ARL15: variants seen among roughly 807,000 people sequenced by gnomAD.
ARL15 encodes the protein ADP-ribosylation factor-like protein 15.
In ARL15, 19 loss-of-function variants were observed where a neutral mutation model predicts 25.2. That is an observed-to-expected ratio of 0.75 (90% CI 0.53 to 1.10). The LOEUF (loss-of-function observed/expected upper bound fraction) is 1.10. Among genes scored for constraint, ARL15 ranks in the 50% least tolerant of loss-of-function variants. The pLI, the probability that ARL15 is intolerant of heterozygous loss-of-function variation, is 0.00. For synonymous variants in ARL15, 94 were observed against 86.8 expected (o/e 1.08, Z -0.46); for missense variants, 220 against 246.0 (o/e 0.89, Z 0.71).
intron 4 of ARL15, among the ~76,000 whole-genome samples, chr5:53,910,775 C>G (rs1229333427): frequency 6.6e-6 from 1 of 150,548 alleles, no homozygotes; most frequent in Non-Finnish European, 1.5e-5. Flanking sequence ...TGTCACAGAT[C>G]ATGATTCCCC....
chr5:54,297,238 T>C (rs1758490608), intron 1 of ARL15, among the ~76,000 whole-genome samples: 1 of 152,228 alleles, frequency 6.6e-6, no homozygotes, highest in African/African-American at 2.4e-5. Flanking sequence ...TCAGTTGCTG[T>C]CTGGATCTAT....
At chr5:54,200,690 A>G (rs1755698013) in intron 1 of ARL15, among the ~76,000 whole-genome samples, 1 of 152,174 alleles carries the variant, frequency 6.6e-6, no homozygotes, top group Non-Finnish European at 1.5e-5. Flanking sequence ...CCTCACATTC[A>G]TGGTATGACT....
chr5:53,967,344 CATGT>C (rs1476430730), intron 4 of ARL15, among the ~76,000 whole-genome samples: 5 of 151,970 alleles, frequency 3.3e-5, no homozygotes, highest in Non-Finnish European at 7.4e-5. Context: ...ACAATAAAAG[CATGT>C]AAAAGTATTG....
At chr5:54,012,355 A>G (rs1201062187) in intron 4 of ARL15, among the ~76,000 whole-genome samples, 1 of 152,096 alleles carries the variant, frequency 6.6e-6, no homozygotes, top group Non-Finnish European at 1.5e-5. Context: ...TATGCATCCC[A>G]TGAAGTCTCT....
intron 4 of ARL15, among the ~76,000 whole-genome samples, chr5:54,080,265 A>G (rs1252252756): frequency 6.6e-6 from 1 of 152,208 alleles, no homozygotes; most frequent in African/African-American, 2.4e-5. Flanking sequence ...CACTAGAGAG[A>G]GGTGAAGAGT....
At chr5:54,095,655 C>T (rs182414102) in intron 4 of ARL15, among the ~76,000 whole-genome samples, 32 of 152,102 alleles carry the variant, frequency 2.1e-4, no homozygotes, top group Admixed American at 6.5e-4. Flanking sequence ...AGGCTTTCTC[C>T]CCCCAAGTAC....
chr5:54,268,459 T>C (rs893500577), intron 1 of ARL15, among the ~76,000 whole-genome samples: 1 of 152,252 alleles, frequency 6.6e-6, no homozygotes, highest in African/African-American at 2.4e-5. Context: ...AGCCTTCTTC[T>C]CTCAACTTGT....
At chr5:53,929,086 A>G (rs965515072) in intron 4 of ARL15, among the ~76,000 whole-genome samples, 1 of 152,026 alleles carries the variant, frequency 6.6e-6, no homozygotes, top group African/African-American at 2.4e-5. Context: ...TTATGAAGTT[A>G]GAGGGAAACG....
At chr5:54,143,048 G>A (rs912688762) in intron 3 of ARL15, among the ~76,000 whole-genome samples, 3 of 152,084 alleles carry the variant, frequency 2.0e-5, no homozygotes, top group Non-Finnish European at 4.4e-5. Context: ...GGTCACATGT[G>A]TAAACATTAT....
chr5:53,924,371 T>C (rs1365249905), intron 4 of ARL15, among the ~76,000 whole-genome samples: 1 of 152,236 alleles, frequency 6.6e-6, no homozygotes, highest in African/African-American at 2.4e-5. Context: ...AGTGTTACTT[T>C]AATTATTCTA....
At chr5:54,280,734 A>G (rs1378470056) in intron 1 of ARL15, among the ~76,000 whole-genome samples, 2 of 152,244 alleles carry the variant, frequency 1.3e-5, no homozygotes, top group Admixed American at 6.5e-5. Flanking sequence ...AGATTACTTC[A>G]TGTAAATATT....
intron 1 of ARL15, among the ~76,000 whole-genome samples, chr5:54,310,020 T>C (rs899917706): frequency 6.6e-6 from 1 of 152,258 alleles, no homozygotes; most frequent in Non-Finnish European, 1.5e-5. Flanking sequence ...TGAGCCATTC[T>C]GGTTATGGCT....
intron 4 of ARL15, chr5:53,887,354 C>CT (rs376214926): frequency 2.0e-4 from 139 of 691,906 alleles, no homozygotes; most frequent in Admixed American, 1.2e-3. Flanking sequence ...AATCTTCTAC[C>CT]TTTTTTTTTC....
chr5:53,982,786 A>C (rs963766985), intron 4 of ARL15, among the ~76,000 whole-genome samples: 2 of 152,148 alleles, frequency 1.3e-5, no homozygotes, highest in African/African-American at 4.8e-5. Flanking sequence ...GGTTGAACTA[A>C]TTTACACTCC....
rs1028347117 is a variant in ARL15 at position 54,209,174 on chromosome 5, G to A, written c.49-37246C>T. ...CTATATGGGCAGAATGAAGGAGTAG[G>A]GGGAGGTAAAGATGTGTGTTGGGGT... On this transcript the variant is annotated intron_variant, in intron 1 of 4. Coordinates refer to ENST00000504924, the MANE Select transcript of ARL15 (RefSeq NM_019087.3). Among the ~76,000 whole-genome samples the A allele has an allele frequency of 2.0e-4, 30 of 152,174 alleles. 1 individual carries two copies. Among genetic ancestry groups the A allele is most frequent in the African/African-American group, 4.8e-5 (2 of 41,450 alleles).
chr5:54,111,422 T>C (rs577600366), intron 4 of ARL15, among the ~76,000 whole-genome samples: 1 of 152,180 alleles, frequency 6.6e-6, no homozygotes, highest in Admixed American at 6.5e-5. Context: ...ACACAAGGAA[T>C]ACTCAGAAGC....
intron 4 of ARL15, among the ~76,000 whole-genome samples, chr5:54,024,616 T>C (rs1314229442): frequency 1.3e-5 from 2 of 152,164 alleles, no homozygotes; most frequent in African/African-American, 4.8e-5. Flanking sequence ...TGAGTTACTT[T>C]GCAAATATTC....
Position 53,885,225 on chromosome 5 carries a change from A to C in ARL15, c.*1336T>G, listed in dbSNP as rs1020557179. 2 of 152,488 alleles carry C rather than the reference A, an allele frequency of 1.3e-5. No homozygotes were observed. The highest frequency in any genetic ancestry group is 2.9e-5 in the Non-Finnish European group (2 of 67,972). The allele number at this position is 152,488 out of a possible 1,614,324, so 9.4% of individuals were successfully genotyped here. ...TGTGCAGGGAGCAGTTTTTTTTATC[A>C]TTTGGCCACTTAGTATTTTAAGTGG... is the stretch of plus-strand genomic sequence containing the variant. On this transcript the variant is annotated 3_prime_UTR_variant, in exon 5 of 5. Transcript: ENST00000504924.
At chr5:54,256,430 A>C (rs1757366543) in intron 1 of ARL15, among the ~76,000 whole-genome samples, 1 of 149,816 alleles carries the variant, frequency 6.7e-6, no homozygotes, top group Admixed American at 6.6e-5. Context: ...AAAAAAAAAA[A>C]AAAGCCAACA....
Sources: gnomAD v4.1 joint callset for allele counts (sites outside exome capture counted in the v4.1 genomes callset) on GRCh38, gnomAD v4.1.1 for gene constraint, MANE v1.5 for transcripts, NCBI Gene and HGNC (gene_info 2026-07-23, HGNC 2026-07-21) for gene names.